Variants in RNLS observed in about 807,000 individuals in gnomAD.
The protein encoded by RNLS is renalase.
RNLS carries 39 observed loss-of-function variants against 39.8 expected under a neutral mutation model. The ratio of observed to expected loss-of-function variants is 0.98; its 90% CI spans 0.76 to 1.28. RNLS has a LOEUF of 1.28. RNLS is among the 50% of genes most tolerant of loss of function. The pLI, the probability that RNLS is intolerant of heterozygous loss-of-function variation, is 0.00. For missense variants in RNLS, 410 were observed against 413.3 expected (o/e 0.99, Z 0.07); for synonymous variants, 147 against 150.7 (o/e 0.98, Z 0.18).
the RNLS span, among the ~76,000 whole-genome samples, chr10:88,183,507 G>C: frequency 1.1e-4 from 17 of 152,044 alleles, no homozygotes; most frequent in Admixed American, 2.6e-4. Flanking sequence ...TGAAATTAAA[G>C]TGTCGTTTGA....
intron 4 of RNLS, among the ~76,000 whole-genome samples, chr10:88,447,500 A>C (rs577872589): frequency 6.6e-6 from 1 of 152,336 alleles, no homozygotes; most frequent in East Asian, 1.9e-4. Context: ...TGCTCAACGA[A>C]ATAAAAGAGG....
chr10:88,203,900 G>C, the RNLS span, among the ~76,000 whole-genome samples: 1 of 151,840 alleles, frequency 6.6e-6, no homozygotes, highest in African/African-American at 2.4e-5. Flanking sequence ...AGTAATACTA[G>C]CTGGATAATA....
chr10:88,471,591 T>C (rs570169992), intron 4 of RNLS, among the ~76,000 whole-genome samples: 13 of 152,314 alleles, frequency 8.5e-5, no homozygotes, highest in African/African-American at 2.9e-4. Context: ...CCAAGGCCAC[T>C]TTCAGGCTTG....
chr10:88,290,007 T>C (rs1487298316), intron 6 of RNLS, among the ~76,000 whole-genome samples: 1 of 152,176 alleles, frequency 6.6e-6, no homozygotes, highest in Non-Finnish European at 1.5e-5. Flanking sequence ...GCCTAATAGT[T>C]TCTTTGCATC....
chr10:88,499,102 T>A (rs1373792069), intron 4 of RNLS, among the ~76,000 whole-genome samples: 1 of 152,158 alleles, frequency 6.6e-6, no homozygotes, highest in Non-Finnish European at 1.5e-5. Flanking sequence ...ATGTCCTTAG[T>A]CTTAGAAGAT....
At chr10:88,344,800 C>A in intron 5 of RNLS, among the ~76,000 whole-genome samples, 1 of 152,014 alleles carries the variant, frequency 6.6e-6, no homozygotes, top group Non-Finnish European at 1.5e-5. Context: ...TTTTTACAAA[C>A]ATGAATTTGG....
At chr10:88,373,351 C>T (rs1267253962) in intron 4 of RNLS, among the ~76,000 whole-genome samples, 6 of 152,062 alleles carry the variant, frequency 3.9e-5, no homozygotes. Flanking sequence ...ACAATATGTT[C>T]ATTTTGTACT....
At chr10:88,210,208 C>G in the RNLS span, among the ~76,000 whole-genome samples, 1 of 152,154 alleles carries the variant, frequency 6.6e-6, no homozygotes, top group African/African-American at 2.4e-5. Flanking sequence ...ATTATCACTC[C>G]CCTGGGAGGG....
At chr10:88,263,906 T>G in the RNLS span, among the ~76,000 whole-genome samples, 1 of 152,172 alleles carries the variant, frequency 6.6e-6, no homozygotes, top group African/African-American at 2.4e-5. Context: ...TTCTGAGATT[T>G]TGGTGCACTC....
intron 4 of RNLS, among the ~76,000 whole-genome samples, chr10:88,510,393 T>C (rs1195307509): frequency 6.6e-6 from 1 of 152,154 alleles, no homozygotes; most frequent in African/African-American, 2.4e-5. Flanking sequence ...GATTTTTTAA[T>C]AGTGTCCCTT....
intron 5 of RNLS, among the ~76,000 whole-genome samples, chr10:88,359,491 G>T (rs772057656): frequency 6.6e-6 from 1 of 152,154 alleles, no homozygotes; most frequent in Non-Finnish European, 1.5e-5. Flanking sequence ...TAGATTTTAC[G>T]TTATGAAATG....
chr10:88,274,218 AACC>A (rs894477905), exon 7 of RNLS: 2 of 152,202 alleles, frequency 1.3e-5, no homozygotes, highest in African/African-American at 4.8e-5. Context: ...TGATGATTTT[AACC>A]ACATTTAAAT....
chr10:88,204,787 A>G, the RNLS span, among the ~76,000 whole-genome samples: 1 of 152,120 alleles, frequency 6.6e-6, no homozygotes, highest in African/African-American at 2.4e-5. Flanking sequence ...TAATCAACTT[A>G]TTTTTCCCTT....
At chr10:88,387,502 C>CAAAAAAAAAAAAAA (rs5786817) in intron 4 of RNLS, among the ~76,000 whole-genome samples, 1 of 70,114 alleles carries the variant, frequency 1.4e-5, no homozygotes, top group Non-Finnish European at 2.6e-5. Context: ...GAGAACAGAG[C>CAAAAAAAAAAAAAA]AAAAAAAAAA....
At chr10:88,486,385 T>G (rs1044703501) in intron 4 of RNLS, among the ~76,000 whole-genome samples, 2 of 151,990 alleles carry the variant, frequency 1.3e-5, no homozygotes, top group Admixed American at 6.6e-5. Flanking sequence ...CTAATTAAAC[T>G]TAAGAGCTTC....
At chr10:88,210,893 G>A in the RNLS span, among the ~76,000 whole-genome samples, 1 of 152,128 alleles carries the variant, frequency 6.6e-6, no homozygotes, top group Admixed American at 6.6e-5. Context: ...GCGAGTCCCA[G>A]TGTACATTCC....
chr10:88,563,271 C>T (rs927062244), intron 4 of RNLS, among the ~76,000 whole-genome samples: 3 of 152,150 alleles, frequency 2.0e-5, no homozygotes, highest in Non-Finnish European at 4.4e-5. Flanking sequence ...AAAAATCAAG[C>T]GGGCTTTATT....
intron 5 of RNLS, among the ~76,000 whole-genome samples, chr10:88,359,345 C>T (rs1849454848): frequency 6.6e-6 from 1 of 151,780 alleles, no homozygotes; most frequent in Admixed American, 6.6e-5. Flanking sequence ...TCTTACTGTC[C>T]TAGTTAAATA....
intron 4 of RNLS, among the ~76,000 whole-genome samples, chr10:88,487,035 A>C (rs1564840242): frequency 6.6e-6 from 1 of 152,192 alleles, no homozygotes; most frequent in Non-Finnish European, 1.5e-5. Flanking sequence ...CATAAAAAAG[A>C]AGGAGATCAT....
Sources: gnomAD v4.1 joint callset for allele counts (sites outside exome capture counted in the v4.1 genomes callset) on GRCh38, gnomAD v4.1.1 for gene constraint, MANE v1.5 for transcripts, NCBI Gene and HGNC (gene_info 2026-07-23, HGNC 2026-07-21) for gene names.